XRRA1: variants seen among roughly 807,000 people sequenced by gnomAD.
XRRA1 encodes the protein X-ray radiation resistance associated 1, also known as X-ray radiation resistance-associated protein 1.
Under a neutral mutation model 80.2 loss-of-function variants are expected in XRRA1, and 69 were observed. That is an observed-to-expected ratio of 0.86 (90% confidence interval 0.71 to 1.05). The LOEUF is 1.05. Ranked by LOEUF, XRRA1 falls within the 50% of genes least tolerant of loss-of-function variation. The pLI is 0.00. For missense variants in XRRA1, 967 were observed against 976.4 expected, an observed-to-expected ratio of 0.99 and a Z score of 0.13; for synonymous variants, 348 against 389.9, an observed-to-expected ratio of 0.89 and a Z score of 1.27.
At chr11:74,887,599 G>T (rs544751219) in intron 10 of XRRA1, among the ~76,000 whole-genome samples, 3 of 152,176 alleles carry the variant, frequency 2.0e-5, no homozygotes, top group Non-Finnish European at 2.9e-5. Flanking sequence ...GCAGCGCACC[G>T]AGTGTGAGCC....
Position 74,948,553 on chromosome 11 carries a change from G to T in XRRA1, c.-73+375C>A, listed in dbSNP as rs575296911. ...AACCGTAAAAGCAGAGTGTCAGAAG[G>T]GATATATATTGGTTTTGATTTTTTT... On this transcript the variant is annotated intron_variant, in intron 1 of 18. Transcript: ENST00000684022. 9.4e-4 allele frequency among the ~76,000 whole-genome samples: 143 copies of T among 152,282 alleles called. 3 individuals carry two copies. The highest frequency in any genetic ancestry group is 9.4e-3 in the Admixed American group (143 of 15,292).
In XRRA1 at chr11:74,937,030, T is replaced by G; in HGVS notation, c.133A>C (p.Lys45Gln). The change falls in exon 4 of 19, where the codon AAG becomes CAG. Residue 45 changes from lysine to glutamine, a missense_variant. Lys to Gln is a moderately conservative substitution (Grantham distance 53, BLOSUM62 1). Transcript: ENST00000684022. The part of the protein sequence containing the change: ...HWLVVQKGNL[K>Q]KKPKGLVGAQ... ...CCAACCAAACCCTTGGGCTTCTTCT[T>G]GAGGTTACCTTTCTGAACCACTAAC... 6.2e-7 allele frequency: 1 copy of G among 1,613,930 alleles called. No homozygotes were observed.
At chr11:74,881,287 C>G (rs1167026069) in intron 10 of XRRA1, among the ~76,000 whole-genome samples, 1 of 151,218 alleles carries the variant, frequency 6.6e-6, no homozygotes, top group African/African-American at 2.5e-5. Context: ...ATTGCAACCC[C>G]TGCCTTTTTT....
At chr11:74,851,948 G>A (rs1171158222) in intron 13 of XRRA1, 41 bp downstream of exon 13, 5 of 1,556,648 alleles carry the variant, frequency 3.2e-6, no homozygotes, top group South Asian at 2.2e-5. Context: ...ACTGCTCCTT[G>A]GGCACTGGGT....
intron 5 of XRRA1, 35 bp from the exon 6 acceptor site, chr11:74,930,407 C>A (rs778443481): frequency 4.9e-6 from 7 of 1,429,016 alleles, no homozygotes; most frequent in Admixed American, 4.5e-5. Flanking sequence ...AAAAAAAATC[C>A]ACAAGATTAG....
intron 10 of XRRA1, among the ~76,000 whole-genome samples, chr11:74,875,700 C>G (rs753839903): frequency 6.6e-6 from 1 of 152,112 alleles, no homozygotes; most frequent in Non-Finnish European, 1.5e-5. Flanking sequence ...AAAACCCCAT[C>G]TCTACTAATA....
intron 10 of XRRA1, among the ~76,000 whole-genome samples, chr11:74,888,458 A>AAGAT: frequency 6.6e-6 from 1 of 152,278 alleles, no homozygotes; most frequent in South Asian, 2.1e-4. Context: ...TAAAACCACA[A>AAGAT]AGATGGGGAA....
chr11:74,872,834 A>G (rs1036261663), intron 10 of XRRA1, among the ~76,000 whole-genome samples: 1 of 152,158 alleles, frequency 6.6e-6, no homozygotes, highest in Non-Finnish European at 1.5e-5. Context: ...AGACATTGGA[A>G]CCAGCATCCC....
chr11:74,844,337 T>C, intron 16 of XRRA1, 54 bp from the exon 17 acceptor site: 1 of 1,327,996 alleles, frequency 7.5e-7, no homozygotes, highest in South Asian at 1.2e-5. Flanking sequence ...TCCTCCCAGA[T>C]GCCTCCCCTG....
chr11:74,878,096 C>T (rs1468202111), intron 10 of XRRA1, among the ~76,000 whole-genome samples: 1 of 151,032 alleles, frequency 6.6e-6, no homozygotes, highest in Non-Finnish European at 1.5e-5. Flanking sequence ...AAAAGTGTTC[C>T]TATTTCTCCA....
At chr11:74,882,096 A>AGAG (rs1418310938) in intron 10 of XRRA1, among the ~76,000 whole-genome samples, 1 of 151,762 alleles carries the variant, frequency 6.6e-6, no homozygotes, top group African/African-American at 2.4e-5. Flanking sequence ...AATATCCTGC[A>AGAG]GAGTGTTTTC....
Position 74,843,341 on chromosome 11 carries a change from G to A in XRRA1, c.2262C>T (p.Gly754=), listed in dbSNP as rs1264229137. 5 of 1,609,756 alleles carry A rather than the reference G, an allele frequency of 3.1e-6. No homozygotes were observed. The Admixed American group carries it at 6.7e-5, about 22-fold the overall frequency. Residue 754 remains glycine (G), a synonymous_variant, in exon 19 of 19, where the codon GGC becomes GGT. Transcript: ENST00000684022. ...TAGTCCCGAACACTGTGCGCAGAGA[G>A]CCACTCACCAGCTGCCGGTAACGTG... ...FQARYRQLVS[G]SLRTVFGTTP...
intron 11 of XRRA1, 35 bp from the exon 12 acceptor site, chr11:74,859,318 C>T (rs138275121): frequency 3.7e-5 from 58 of 1,579,732 alleles, no homozygotes; most frequent in Admixed American, 1.5e-4. Context: ...TCAAAGTGCC[C>T]GATAATAAAT....
At chr11:74,896,555 C>T (rs2052367590) in intron 10 of XRRA1, among the ~76,000 whole-genome samples, 1 of 152,164 alleles carries the variant, frequency 6.6e-6, no homozygotes, top group Non-Finnish European at 1.5e-5. Flanking sequence ...CTCGCTGGCT[C>T]CCAGACAGCA....
chr11:74,859,090 C>T, intron 12 of XRRA1, 68 bp downstream of exon 12: 1 of 1,492,302 alleles, frequency 6.7e-7, no homozygotes, highest in Non-Finnish European at 8.9e-7. Flanking sequence ...GGTTTTTAGG[C>T]CAGAGCAACT....
intron 5 of XRRA1, among the ~76,000 whole-genome samples, chr11:74,931,201 G>C (rs1223816900): frequency 6.6e-6 from 1 of 151,782 alleles, no homozygotes; most frequent in Admixed American, 6.6e-5. Flanking sequence ...TACGTTAAAT[G>C]CAACAATATT....
chr11:74,935,341 C>T (rs150584934), intron 4 of XRRA1, among the ~76,000 whole-genome samples: 1 of 152,326 alleles, frequency 6.6e-6, no homozygotes, highest in African/African-American at 2.4e-5. Context: ...AGAAGGAACA[C>T]AGGCCTTGCA....
chr11:74,899,476 G>C (rs1314134825), intron 10 of XRRA1, among the ~76,000 whole-genome samples: 1 of 152,050 alleles, frequency 6.6e-6, no homozygotes, highest in Non-Finnish European at 1.5e-5. Flanking sequence ...CAAAAAGTTG[G>C]TTTTTTGAAA....
intron 10 of XRRA1, among the ~76,000 whole-genome samples, chr11:74,878,871 A>G (rs372036027): frequency 3.3e-5 from 5 of 151,752 alleles, no homozygotes; most frequent in Non-Finnish European, 7.4e-5. Context: ...CTGTAGCCTT[A>G]TAGTATAGTT....
Sources: allele counts gnomAD v4.1 joint callset (sites outside exome capture counted in the v4.1 genomes callset), GRCh38; gene constraint gnomAD v4.1.1; transcripts MANE v1.5; gene names NCBI Gene and HGNC (gene_info 2026-07-23, HGNC 2026-07-21).